Variants in WSCD2 observed in about 807,000 individuals in gnomAD.
WSCD2 encodes sialate:O-sulfotransferase 2.
WSCD2 carries 28 observed loss-of-function variants against 55.7 expected under a neutral mutation model. The ratio of observed to expected loss-of-function variants is 0.50; its 90% CI spans 0.37 to 0.69. WSCD2 has a LOEUF of 0.69. Among genes scored for constraint, WSCD2 ranks in the 30% least tolerant of loss-of-function variants. WSCD2 has a pLI of 0.00. For missense variants in WSCD2, 616 were observed against 762.1 expected, an observed-to-expected ratio of 0.81 and a Z score of 2.26; for synonymous variants, 301 against 301.9, an observed-to-expected ratio of 1.00 and a Z score of 0.03.
intron 6 of WSCD2, among the ~76,000 whole-genome samples, chr12:108,230,466 A>G (rs1451769804): frequency 1.3e-5 from 2 of 152,194 alleles, no homozygotes; most frequent in African/African-American, 4.8e-5. Context: ...TTCATTCAAG[A>G]ATTTCATTCT....
intron 1 of WSCD2, among the ~76,000 whole-genome samples, chr12:108,173,808 CTCTGTGTG>C (rs1565933216): frequency 2.0e-5 from 2 of 100,906 alleles, no homozygotes; most frequent in African/African-American, 9.1e-5. Context: ...ATTCCTGGCT[CTCTGTGTG>C]TGTGTGTGTG....
intron 1 of WSCD2, among the ~76,000 whole-genome samples, chr12:108,147,585 A>G (rs1440732020): frequency 2.6e-5 from 4 of 152,192 alleles, no homozygotes; most frequent in Non-Finnish European, 5.9e-5. Context: ...CAGGTCAGAA[A>G]TGTCAGGGAC....
chr12:108,201,624 G>A (rs1024461281), intron 2 of WSCD2, among the ~76,000 whole-genome samples: 3 of 152,098 alleles, frequency 2.0e-5, no homozygotes, highest in Non-Finnish European at 4.4e-5. Flanking sequence ...AGTAATATTT[G>A]AGGCTACTGC....
intron 2 of WSCD2, chr12:108,196,869 T>A (rs1203151414): frequency 6.6e-6 from 1 of 152,276 alleles, no homozygotes. Flanking sequence ...TCACTACACT[T>A]CATGGGCTTA....
In WSCD2 at chr12:108,248,113, C is replaced by G. The variant is rs964712610; in HGVS notation, c.1468C>G (p.Gln490Glu). 3 of 1,614,198 alleles carry G rather than the reference C, an allele frequency of 1.9e-6. No homozygotes were observed. Among genetic ancestry groups the G allele is most frequent in the Non-Finnish European group, 2.5e-6 (3 of 1,180,034 alleles). ...GGACCTGAAGCAGGACCTCTTTGTCCAGCTGGGCCGGATGGTCAGCCTGCT... is the reference window on the plus strand; with the variant it reads ...GGACCTGAAGCAGGACCTCTTTGTCGAGCTGGGCCGGATGGTCAGCCTGCT... The part of the protein sequence containing the change: ...FEDLKQDLFV[Q>E]LGRMVSLLGV... Residue 490 changes from glutamine (Q) to glutamate (E), a missense_variant, in exon 9 of 9, where the codon CAG becomes GAG. This residue lies in a region of WSCD2 where 234 missense variants were observed against 264.6 expected (regional missense o/e 0.88). Coordinates refer to ENST00000547525, the MANE Select transcript of WSCD2 (RefSeq NM_014653.4). The surrounding 1 kb of genome is among the most constrained non-coding windows in gnomAD (Gnocchi z 4.3).
chr12:108,136,107 A>G (rs1394858900), intron 1 of WSCD2, among the ~76,000 whole-genome samples: 1 of 152,214 alleles, frequency 6.6e-6, no homozygotes, highest in African/African-American at 2.4e-5. Context: ...GCATTCATCC[A>G]CAGGTGAGGC....
At chr12:108,142,249 G>C (rs1876898840) in intron 1 of WSCD2, among the ~76,000 whole-genome samples, 1 of 152,100 alleles carries the variant, frequency 6.6e-6, no homozygotes, top group Non-Finnish European at 1.5e-5. Flanking sequence ...AGAAAGCTTT[G>C]ATTTTTCTTC....
chr12:108,174,186 A>C (rs918948322), intron 1 of WSCD2, among the ~76,000 whole-genome samples: 2 of 151,636 alleles, frequency 1.3e-5, no homozygotes, highest in African/African-American at 4.8e-5. Context: ...CAAAGTCCAC[A>C]CTCCTTCCCG....
At chr12:108,226,935 A>G (rs1888159177) in intron 5 of WSCD2, 55 bp from the exon 6 acceptor site, 2 of 1,556,822 alleles carry the variant, frequency 1.3e-6, no homozygotes, top group South Asian at 2.4e-5. Flanking sequence ...TGGAGTCTGA[A>G]GCTGTCCAGG....
chr12:108,186,473 G>A (rs1882509037), intron 1 of WSCD2, among the ~76,000 whole-genome samples: 1 of 152,180 alleles, frequency 6.6e-6, no homozygotes, highest in Non-Finnish European at 1.5e-5. Flanking sequence ...ATCATACGGA[G>A]CAGTTTCACT....
intron 4 of WSCD2, among the ~76,000 whole-genome samples, chr12:108,223,192 A>G (rs1314521836): frequency 7.9e-5 from 12 of 152,250 alleles, no homozygotes; most frequent in Non-Finnish European, 1.6e-4. Flanking sequence ...AAATACCTTC[A>G]TAGCAACATC....
At chr12:108,220,044 T>A (rs1250704040) in intron 4 of WSCD2, among the ~76,000 whole-genome samples, 1 of 152,044 alleles carries the variant, frequency 6.6e-6, no homozygotes, top group Non-Finnish European at 1.5e-5. Flanking sequence ...AGAGAGAAAA[T>A]CAATGTCCCA....
chr12:108,142,729 A>C lies in WSCD2; in HGVS notation c.-552+12803A>C, dbSNP rs143013158. Among the ~76,000 whole-genome samples the C allele has an allele frequency of 2.6e-3, 390 of 152,306 alleles. 1 individual carries two copies. Among genetic ancestry groups the C allele is most frequent in the African/African-American group, 9.0e-3 (373 of 41,576 alleles). The stretch of plus-strand genomic sequence containing the variant: ...CCTAGCTTCAGGCTTGGCTGGATCC[A>C]GGAGCTTGACATCTTACAGGTCTCT... On this transcript the variant is annotated intron_variant, in intron 1 of 8. Coordinates refer to ENST00000547525, the MANE Select transcript of WSCD2 (RefSeq NM_014653.4).
chr12:108,215,441 C>T (rs1375725596), intron 4 of WSCD2, among the ~76,000 whole-genome samples: 1 of 152,212 alleles, frequency 6.6e-6, no homozygotes, highest in South Asian at 2.1e-4. Flanking sequence ...GCACCTAGCA[C>T]AGTGCCTGTT....
intron 8 of WSCD2, among the ~76,000 whole-genome samples, chr12:108,247,275 G>T (rs1410889294): frequency 2.0e-5 from 3 of 150,752 alleles, no homozygotes; most frequent in East Asian, 3.9e-4. Context: ...AGAATTAAAA[G>T]CTATATTAAT....
rs115939880 is a variant in WSCD2 at position 108,210,411 on chromosome 12, C to T, written c.682+106C>T. 5.7e-5 allele frequency: 79 copies of T among 1,396,614 alleles called. No homozygotes were observed. In the African/African-American group the frequency reaches 1.0e-3, roughly 18 times the overall value. The allele number at this position is 1,396,614 out of a possible 1,614,324, so 86.5% of individuals were successfully genotyped here. ...CCCTGTACCCTCCATGGCTCCCCAT[C>T]ACTCCAAGGCCACCACCGTCCTGCC... On this transcript the variant is annotated intron_variant, in intron 4 of 8. Coordinates refer to ENST00000547525, the MANE Select transcript of WSCD2 (RefSeq NM_014653.4). The surrounding 1 kb of genome is among the most constrained non-coding windows in gnomAD (Gnocchi z 4.3).
chr12:108,232,761 C>G lies in WSCD2; in HGVS notation c.1010C>G (p.Pro337Arg), dbSNP rs552961782. ...DNRCMDRRFL[P>R]GKSKQLIALA... ...CGTTGCATGGACAGAAGGTTCCTGCCAGGCAAGTCCAAGCAGCTCATTGCT... is the reference window on the plus strand; with the variant it reads ...CGTTGCATGGACAGAAGGTTCCTGCGAGGCAAGTCCAAGCAGCTCATTGCT... The change falls in exon 7 of 9, where the codon CCA becomes CGA. Residue 337 changes from proline (P) to arginine (R), a missense_variant. Physicochemically the swap from Pro to Arg is moderately radical, Grantham distance 103. This residue lies in a region of WSCD2 where 374 missense variants were observed against 467.4 expected (regional missense o/e 0.80). Transcript: ENST00000547525. 1.2e-6 allele frequency: 2 copies of G among 1,613,660 alleles called. No homozygotes were observed. Among genetic ancestry groups the G allele is most frequent in the Admixed American group, 1.7e-5 (1 of 60,016 alleles).
At chr12:108,217,363 C>T (rs886276807) in intron 4 of WSCD2, among the ~76,000 whole-genome samples, 1 of 152,192 alleles carries the variant, frequency 6.6e-6, no homozygotes, top group Non-Finnish European at 1.5e-5. Context: ...CATTTTCAGA[C>T]ATAAGAGATG....
intron 1 of WSCD2, among the ~76,000 whole-genome samples, chr12:108,140,960 C>T (rs894433607): frequency 3.3e-5 from 5 of 152,252 alleles, no homozygotes; most frequent in African/African-American, 4.8e-5. Flanking sequence ...TCAGCGTGAG[C>T]GGATGAGTTC....
Sources: gnomAD v4.1 joint callset for allele counts (sites outside exome capture counted in the v4.1 genomes callset) on GRCh38, gnomAD v4.1.1 for gene constraint, gnomAD v4.1.1 regional missense constraint, Gnocchi (gnomAD v3.1) non-coding constraint, MANE v1.5 for transcripts, NCBI Gene and HGNC (gene_info 2026-07-23, HGNC 2026-07-21) for gene names.